Variants in CSMD1 observed in about 807,000 individuals in gnomAD.
CSMD1 encodes the protein CUB and Sushi multiple domains 1, also known as CUB and sushi domain-containing protein 1.
Under a neutral mutation model 417.5 loss-of-function variants are expected in CSMD1, and 213 were observed. That is an observed-to-expected ratio of 0.51 (90% CI 0.46 to 0.57). The LOEUF is 0.57. Among genes scored for constraint, CSMD1 ranks in the 20% least tolerant of loss-of-function variants. CSMD1 has a pLI of 0.00. For missense variants in CSMD1, 6,923 were observed against 4,529.7 expected (o/e 1.53, Z -15.17); for synonymous variants, 2,862 against 1,736.8 (o/e 1.65, Z -16.11).
chr8:3,735,392 T>C (rs1471255577), intron 6 of CSMD1, among the ~76,000 whole-genome samples: 1 of 152,222 alleles, frequency 6.6e-6, no homozygotes, highest in African/African-American at 2.4e-5. Context: ...GTTGAGCAAC[T>C]GTATAATTTA....
intron 23 of CSMD1, among the ~76,000 whole-genome samples, chr8:3,334,906 T>G (rs564533461): frequency 6.6e-6 from 1 of 152,214 alleles, no homozygotes; most frequent in African/African-American, 2.4e-5. Flanking sequence ...GGTGATCCCA[T>G]TGCATCTGTA....
chr8:4,214,276 C>G (rs961056041), intron 3 of CSMD1, among the ~76,000 whole-genome samples: 28 of 152,162 alleles, frequency 1.8e-4, no homozygotes, highest in African/African-American at 6.0e-4. Flanking sequence ...AAAATTTTAC[C>G]TTATTAAAAT....
chr8:3,300,125 G>A (rs1217700594), intron 25 of CSMD1, among the ~76,000 whole-genome samples: 9 of 152,042 alleles, frequency 5.9e-5, no homozygotes, highest in Admixed American at 3.3e-4. Context: ...AATACTATCC[G>A]GTAACTAAAT....
chr8:3,311,962 T>TTAAA (rs1805384958), intron 23 of CSMD1, among the ~76,000 whole-genome samples: 1 of 152,152 alleles, frequency 6.6e-6, no homozygotes, highest in African/African-American at 2.4e-5. Flanking sequence ...TTTTAAAGAC[T>TTAAA]TCAATCAAAA....
intron 25 of CSMD1, among the ~76,000 whole-genome samples, chr8:3,306,659 G>GAAAC (rs142502168): frequency 0.038 from 5,550 of 146,428 alleles, 225 homozygotes; most frequent in Admixed American, 0.11. Context: ...TAACAACAAT[G>GAAAC]AAACAGAAAG....
chr8:3,660,318 A>G (rs1267733080), intron 7 of CSMD1, among the ~76,000 whole-genome samples: 1 of 151,984 alleles, frequency 6.6e-6, no homozygotes, highest in Admixed American at 6.5e-5. Flanking sequence ...AACTGTGTCC[A>G]CCTTACAGGA....
chr8:3,699,818 C>T (rs917385469), intron 7 of CSMD1, among the ~76,000 whole-genome samples: 1 of 152,098 alleles, frequency 6.6e-6, no homozygotes, highest in Non-Finnish European at 1.5e-5. Flanking sequence ...TGAAGAAAAA[C>T]ATGAGCACCC....
At chr8:3,048,416 C>A (rs1287024943) in intron 50 of CSMD1, among the ~76,000 whole-genome samples, 2 of 151,998 alleles carry the variant, frequency 1.3e-5, no homozygotes, top group Admixed American at 6.6e-5. Context: ...AATACAGAGC[C>A]CAGAAATAAA....
At chr8:4,031,050 G>C (rs1028462443) in intron 4 of CSMD1, among the ~76,000 whole-genome samples, 5 of 152,018 alleles carry the variant, frequency 3.3e-5, no homozygotes, top group African/African-American at 4.8e-5. Flanking sequence ...CAGCACTTTG[G>C]TCAAAGCTAT....
At chr8:3,031,901 T>G (rs1024084070) in intron 50 of CSMD1, among the ~76,000 whole-genome samples, 7 of 151,792 alleles carry the variant, frequency 4.6e-5, no homozygotes, top group Non-Finnish European at 8.8e-5. Flanking sequence ...CCTCATTTAT[T>G]GTAAACACTG....
chr8:4,031,923 G>T lies in CSMD1; in HGVS notation c.592C>A (p.Pro198Thr), dbSNP rs1009413679. The T allele has an allele frequency of 2.5e-6, 4 of 1,613,478 alleles. No individual in the cohort carries two copies. Among genetic ancestry groups the T allele is most frequent in the Admixed American group, 3.3e-5 (2 of 59,974 alleles). The change falls in exon 4 of 70, where the codon CCA (proline) becomes ACA (threonine). Residue 198 changes from proline (P) to threonine (T), a missense_variant. By Grantham distance (38) the Pro-to-Thr change is conservative (BLOSUM62 -1). Transcript: ENST00000635120. ...ACTGTACCTCTGCAAAAGGGAGCTG[G>T]GAAGTCCCACGATGCACCATTTCCT... ...SPGNGASWDF[P>T]APFCRAEGAC...
intron 5 of CSMD1, among the ~76,000 whole-genome samples, chr8:3,932,051 GAGT>G (rs1810188488): frequency 3.3e-5 from 5 of 150,462 alleles, no homozygotes; most frequent in African/African-American, 9.8e-5. Flanking sequence ...TTTCATCAGA[GAGT>G]AGGATTCAAT....
chr8:4,568,317 C>T (rs1156646624), intron 2 of CSMD1, among the ~76,000 whole-genome samples: 2 of 152,046 alleles, frequency 1.3e-5, no homozygotes, highest in Non-Finnish European at 2.9e-5. Context: ...TATGATGTGT[C>T]CCTGTGTCCC....
chr8:4,317,381 C>G (rs1318743625), intron 3 of CSMD1, among the ~76,000 whole-genome samples: 1 of 152,126 alleles, frequency 6.6e-6, no homozygotes, highest in Non-Finnish European at 1.5e-5. Context: ...CTCTTTCATT[C>G]TACCCTGCTG....
intron 10 of CSMD1, among the ~76,000 whole-genome samples, chr8:3,562,933 C>A (rs1035682536): frequency 2.0e-5 from 3 of 151,478 alleles, no homozygotes; most frequent in Admixed American, 6.6e-5. Flanking sequence ...AAAAAAAAAA[C>A]CAAACCATCC....
intron 2 of CSMD1, among the ~76,000 whole-genome samples, chr8:4,443,703 T>C (rs886774011): frequency 2.6e-5 from 4 of 152,214 alleles, no homozygotes; most frequent in Non-Finnish European, 4.4e-5. Context: ...CCCAACAAAA[T>C]TCTAGCAGCA....
chr8:3,344,344 G>C (rs1187315507), intron 22 of CSMD1, among the ~76,000 whole-genome samples: 1 of 152,188 alleles, frequency 6.6e-6, no homozygotes, highest in South Asian at 2.1e-4. Context: ...CCTAATGCAT[G>C]CGGGGCTTAA....
intron 1 of CSMD1, among the ~76,000 whole-genome samples, chr8:4,752,152 C>A (rs796348665): frequency 6.6e-6 from 1 of 151,938 alleles, no homozygotes; most frequent in African/African-American, 2.4e-5. Context: ...CTCAGTTGCT[C>A]TTTAGTTCCT....
intron 1 of CSMD1, among the ~76,000 whole-genome samples, chr8:4,768,988 T>C (rs1253828523): frequency 1.3e-5 from 2 of 152,134 alleles, no homozygotes; most frequent in Non-Finnish European, 1.5e-5. Context: ...TGTTATTTCA[T>C]GTGAAGAAGA....
Sources: allele counts gnomAD v4.1 joint callset (sites outside exome capture counted in the v4.1 genomes callset), GRCh38; gene constraint gnomAD v4.1.1; transcripts MANE v1.5; gene names NCBI Gene and HGNC (gene_info 2026-07-23, HGNC 2026-07-21).